SEC14L1: variants seen among roughly 807,000 people sequenced by gnomAD.
The protein encoded by SEC14L1 is SEC14 like lipid binding 1, also known as SEC14-like protein 1.
In SEC14L1, 48 loss-of-function variants were observed where a neutral mutation model predicts 85.3. The observed-to-expected ratio is 0.56, with a 90% CI of 0.45 to 0.72. The LOEUF (loss-of-function observed/expected upper bound fraction) is 0.72. Ranked by LOEUF, SEC14L1 falls within the 30% of genes least tolerant of loss-of-function variation. SEC14L1 has a pLI of 0.00. For synonymous variants in SEC14L1, 391 were observed against 355.5 expected (o/e 1.10, Z -1.12); for missense variants, 682 against 921.4 (o/e 0.74, Z 3.36).
At chr17:77,136,339 T>C (rs976815812), upstream of SEC14L1, among the ~76,000 whole-genome samples, 1 of 131,210 alleles carries the variant, frequency 7.6e-6, no homozygotes, top group African/African-American at 2.7e-5. Flanking sequence ...TTCCCTCCCT[T>C]CCTTCCTTTC....
At position 77,150,974 on chromosome 17, in the gene SEC14L1, T is replaced by C. The variant is rs138403410; in HGVS notation, c.63+7315T>C. Among the ~76,000 whole-genome samples the C allele has an allele frequency of 2.4e-3, 359 of 152,378 alleles. 1 individual carries two copies. The highest frequency in any genetic ancestry group is 3.5e-3 in the Non-Finnish European group (240 of 68,040). ...AGAGCATGTCTTCTTTCTCTCATCC[T>C]GGATTTCATCCTTGGGCCTTTTTGT... is the stretch of plus-strand genomic sequence containing the variant. On this transcript the variant is annotated intron_variant, in intron 3 of 16. Transcript: ENST00000436233.
chr17:77,207,375 C>T (rs768915691), intron 13 of SEC14L1, among the ~76,000 whole-genome samples: 1 of 151,884 alleles, frequency 6.6e-6, no homozygotes, highest in African/African-American at 2.4e-5. Context: ...GGACTGTAGG[C>T]GTGCACCACC....
chr17:77,190,506 C>T (rs1437888676), intron 3 of SEC14L1, among the ~76,000 whole-genome samples: 7 of 152,158 alleles, frequency 4.6e-5, no homozygotes, highest in Non-Finnish European at 7.3e-5. Context: ...GTTCCTTTGT[C>T]TTTCCATATA....
intron 3 of SEC14L1, among the ~76,000 whole-genome samples, chr17:77,187,111 G>C (rs188931752): frequency 6.6e-6 from 1 of 152,242 alleles, no homozygotes; most frequent in East Asian, 1.9e-4. Flanking sequence ...CAGATCTGTG[G>C]ATTTGAGATG....
chr17:77,187,174 A>C (rs1975302815), intron 3 of SEC14L1, among the ~76,000 whole-genome samples: 1 of 152,188 alleles, frequency 6.6e-6, no homozygotes, highest in African/African-American at 2.4e-5. Flanking sequence ...AAATTCTGAA[A>C]TCAGAAGCAC....
At chr17:77,201,802 T>C (rs1976161968) in intron 9 of SEC14L1, among the ~76,000 whole-genome samples, 1 of 152,158 alleles carries the variant, frequency 6.6e-6, no homozygotes, top group African/African-American at 2.4e-5. Context: ...AATAGGCCTT[T>C]CCGTAAGATT....
chr17:77,096,820 GT>G (rs528628321), intron 3 of SEC14L1, among the ~76,000 whole-genome samples: 7 of 152,184 alleles, frequency 4.6e-5, no homozygotes, highest in African/African-American at 9.6e-5. Flanking sequence ...GGATTTTGGG[GT>G]TTTTTTGTTT....
intron 3 of SEC14L1, chr17:77,093,424 T>G (rs1002464572): frequency 1.3e-5 from 2 of 152,184 alleles, no homozygotes; most frequent in Non-Finnish European, 2.9e-5. Context: ...TGGCTATAAA[T>G]AGATACACGC....
chr17:77,093,913 G>C (rs1971576091), intron 3 of SEC14L1: 1 of 152,198 alleles, frequency 6.6e-6, no homozygotes, highest in African/African-American at 2.4e-5. Flanking sequence ...TGGTACATTT[G>C]AGGGTTAAAT....
chr17:77,188,710 A>G (rs1230456075), intron 3 of SEC14L1, among the ~76,000 whole-genome samples: 2 of 152,144 alleles, frequency 1.3e-5, no homozygotes, highest in African/African-American at 4.8e-5. Flanking sequence ...GGTTTTAAGA[A>G]GATACCTGTT....
At chr17:77,146,784 A>G (rs1973331701) in intron 3 of SEC14L1, among the ~76,000 whole-genome samples, 1 of 152,200 alleles carries the variant, frequency 6.6e-6, no homozygotes, top group Non-Finnish European at 1.5e-5. Flanking sequence ...TTTAAATCCG[A>G]AAATGAAATA....
chr17:77,196,065 G>T, intron 7 of SEC14L1, 137 bp from the exon 8 acceptor site: 1 of 644,218 alleles, frequency 1.6e-6, no homozygotes, highest in East Asian at 2.8e-5. Context: ...AAGGAATCTG[G>T]TTTACATCTG....
Position 77,215,134 on chromosome 17 carries a change from G to A in SEC14L1, c.*1111G>A, listed in dbSNP as rs1976975532. 1 of 985,390 alleles carries A rather than the reference G, an allele frequency of 1.0e-6. No homozygotes were observed. The highest frequency in any genetic ancestry group is 1.7e-5 in the African/African-American group (1 of 57,192). The allele number at this position is 985,390 out of a possible 1,614,324, so 61.0% of individuals were successfully genotyped here. A position where few individuals can be genotyped will look rare whatever the true frequency, so the allele number is the denominator to read the frequency against. On this transcript the variant is annotated 3_prime_UTR_variant, in exon 17 of 17. Transcript: ENST00000436233. ...TGGGGGTGCTGGGGGGACGGGGTGA[G>A]TGGAAACTTAGTTTGAGTAATGAAG...
chr17:77,101,853 G>C (rs546976251), intron 3 of SEC14L1, among the ~76,000 whole-genome samples: 1 of 152,124 alleles, frequency 6.6e-6, no homozygotes, highest in Non-Finnish European at 1.5e-5. Flanking sequence ...TTAAACCAGC[G>C]TCCTGTGTTA....
intron 3 of SEC14L1, among the ~76,000 whole-genome samples, chr17:77,156,413 A>G (rs1468055989): frequency 6.6e-6 from 1 of 152,104 alleles, no homozygotes; most frequent in Non-Finnish European, 1.5e-5. Flanking sequence ...CATCTCTATT[A>G]AAAATACAAA....
In SEC14L1 at chr17:77,212,192, A is replaced by G. The variant is rs920012368; in HGVS notation, c.1854A>G (p.Glu618=). 1.2e-6 allele frequency: 2 copies of G among 1,613,396 alleles called. No homozygotes were observed. Among genetic ancestry groups the G allele is most frequent in the African/African-American group, 2.7e-5 (2 of 74,922 alleles). Residue 618 remains glutamate, a synonymous_variant, in exon 15 of 17, where the codon GAA becomes GAG. Coordinates refer to ENST00000436233, the MANE Select transcript of SEC14L1 (RefSeq NM_001143998.2). ...VESPLICKEG[E]SVQGSHVTRW... ...CGCCTCTGATCTGCAAAGAAGGAGA[A>G]AGCGTGCAGGTAAAATCACACACAG...
intron 3 of SEC14L1, among the ~76,000 whole-genome samples, chr17:77,155,138 A>G (rs1973749411): frequency 6.6e-6 from 1 of 152,162 alleles, no homozygotes; most frequent in Non-Finnish European, 1.5e-5. Context: ...CTGTCACTTT[A>G]TAAACTAAAG....
At chr17:77,126,930 G>T (rs961719578) in intron 3 of SEC14L1, among the ~76,000 whole-genome samples, 1 of 151,616 alleles carries the variant, frequency 6.6e-6, no homozygotes, top group Non-Finnish European at 1.5e-5. Flanking sequence ...GAGCAGGGGC[G>T]CCTCCCTTCC....
upstream of SEC14L1, among the ~76,000 whole-genome samples, chr17:77,138,927 C>T (rs1295086899): frequency 6.6e-6 from 1 of 152,156 alleles, no homozygotes; most frequent in African/African-American, 2.4e-5. Flanking sequence ...TAAAAGCTTG[C>T]AAATCATAAA....
Sources: allele counts gnomAD v4.1 joint callset (sites outside exome capture counted in the v4.1 genomes callset), GRCh38; gene constraint gnomAD v4.1.1; transcripts MANE v1.5; gene names NCBI Gene and HGNC (gene_info 2026-07-23, HGNC 2026-07-21).